The following TAFA1 variants were observed in gnomAD, a reference collection of about 807,000 sequenced individuals.
TAFA1 encodes TAFA chemokine like family member 1, also known as chemokine-like protein TAFA-1.
TAFA1 carries 4 observed loss-of-function variants against 18.5 expected under a neutral mutation model. The ratio of observed to expected loss-of-function variants is 0.22; its 90% CI spans 0.11 to 0.49. The LOEUF is 0.49. TAFA1 is among the 20% of genes least tolerant of loss of function. TAFA1 has a pLI of 0.98. For missense variants in TAFA1, 147 were observed against 169.0 expected (o/e 0.87, Z 0.72); for synonymous variants, 56 against 55.2 (o/e 1.01, Z -0.06).
At chr3:68,015,549 A>G (rs542932197) in intron 2 of TAFA1, among the ~76,000 whole-genome samples, 3 of 152,264 alleles carry the variant, frequency 2.0e-5, no homozygotes, top group Non-Finnish European at 2.9e-5. Flanking sequence ...AGGCCTCCCA[A>G]CGTGCTGGGA....
chr3:68,111,966 A>G (rs1263300432), intron 2 of TAFA1, among the ~76,000 whole-genome samples: 1 of 152,228 alleles, frequency 6.6e-6, no homozygotes, highest in Non-Finnish European at 1.5e-5. Flanking sequence ...AAGATACTCC[A>G]TAAAAACACT....
At chr3:68,269,474 T>TA (rs1156996250) in intron 2 of TAFA1, among the ~76,000 whole-genome samples, 3 of 152,070 alleles carry the variant, frequency 2.0e-5, no homozygotes, top group Admixed American at 2.0e-4. Flanking sequence ...TTCTAAAAAA[T>TA]AAAAAATACA....
chr3:68,322,011 A>T (rs1360432838), intron 2 of TAFA1, among the ~76,000 whole-genome samples: 1 of 152,210 alleles, frequency 6.6e-6, no homozygotes, highest in Non-Finnish European at 1.5e-5. Flanking sequence ...AGCTGCATGT[A>T]CACTAAAATT....
intron 2 of TAFA1, among the ~76,000 whole-genome samples, chr3:68,286,343 G>C (rs185336416): frequency 6.9e-4 from 105 of 152,274 alleles, no homozygotes; most frequent in Non-Finnish European, 1.3e-3. Flanking sequence ...GGCTATCCAA[G>C]AGAAAACTGT....
In TAFA1 at chr3:68,079,696, G is replaced by A. The variant is rs140150199; in HGVS notation, c.118+72952G>A. ...TGAGAGACAGTTTGTTATAACTTGT[G>A]TTCTTTTACATTTGCTGAGGAGAGC... On this transcript the variant is annotated intron_variant, in intron 2 of 4. Coordinates refer to ENST00000478136, the MANE Select transcript of TAFA1 (RefSeq NM_213609.4). 1.4e-4 allele frequency among the ~76,000 whole-genome samples: 22 copies of A among 152,276 alleles called. No individual in the cohort carries two copies. The East Asian group carries it at 4.3e-3, about 29-fold the overall frequency.
At chr3:68,505,814 CAAG>C (rs940686475) in intron 3 of TAFA1, among the ~76,000 whole-genome samples, 6 of 152,022 alleles carry the variant, frequency 3.9e-5, no homozygotes, top group African/African-American at 9.7e-5. Flanking sequence ...TTTAGTCTAC[CAAG>C]AAGGAGTCTT....
chr3:68,277,931 A>G (rs2067826168), intron 2 of TAFA1, among the ~76,000 whole-genome samples: 1 of 152,204 alleles, frequency 6.6e-6, no homozygotes, highest in Admixed American at 6.5e-5. Context: ...GCTATGAGCA[A>G]ATCACAATTA....
intron 3 of TAFA1, among the ~76,000 whole-genome samples, chr3:68,452,782 T>G (rs115811004): frequency 0.011 from 1,714 of 152,316 alleles, 34 homozygotes; most frequent in African/African-American, 0.039. Flanking sequence ...CATGCCCATT[T>G]AACATATTTA....
chr3:68,489,013 C>T (rs1218380329), intron 3 of TAFA1, among the ~76,000 whole-genome samples: 1 of 152,130 alleles, frequency 6.6e-6, no homozygotes, highest in African/African-American at 2.4e-5. Context: ...TCATTTAATC[C>T]TGACAACTTT....
chr3:68,472,673 A>G (rs1575899045), intron 3 of TAFA1, among the ~76,000 whole-genome samples: 1 of 152,304 alleles, frequency 6.6e-6, no homozygotes, highest in East Asian at 1.9e-4. Context: ...GATAAAGGGT[A>G]TATAGGAGTT....
intron 2 of TAFA1, among the ~76,000 whole-genome samples, chr3:68,375,625 C>A (rs1335566627): frequency 1.3e-5 from 2 of 152,128 alleles, no homozygotes; most frequent in Non-Finnish European, 2.9e-5. Context: ...TTTCTTTGTT[C>A]AATTCAATTC....
At chr3:68,031,276 A>T (rs1357611783) in intron 2 of TAFA1, among the ~76,000 whole-genome samples, 1 of 152,162 alleles carries the variant, frequency 6.6e-6, no homozygotes, top group Non-Finnish European at 1.5e-5. Flanking sequence ...TGAGAAATTG[A>T]TGTTGAATTC....
At chr3:68,542,059 T>G (rs1346894332) in intron 4 of TAFA1, among the ~76,000 whole-genome samples, 2 of 152,116 alleles carry the variant, frequency 1.3e-5, no homozygotes, top group Non-Finnish European at 2.9e-5. Flanking sequence ...CTGAGTGATA[T>G]TATTACCCCA....
At chr3:68,538,640 G>T in intron 3 of TAFA1, 116 bp from the exon 4 acceptor site, 1 of 954,550 alleles carries the variant, frequency 1.0e-6, no homozygotes, top group Non-Finnish European at 1.6e-6. Context: ...AGTCATGGAG[G>T]ATTAAAGAGA....
rs1704328202 is a variant in TAFA1 at position 68,004,718 on chromosome 3, A to G, written c.-4+16A>G. 6.6e-6 allele frequency: 1 copy of G among 152,118 alleles called. No homozygotes were observed. 9.4% of individuals were successfully genotyped at this position (152,118 alleles called of 1,614,324 possible). On this transcript the variant is annotated intron_variant, in intron 1 of 4. Coordinates refer to ENST00000478136, the MANE Select transcript of TAFA1 (RefSeq NM_213609.4). Reference sequence around the variant, plus strand: ...GATTTTTCAGGTAAGAAGCATCTTTAAGGGTTTAAGATTCAGAAAGCAGAT... The same window carrying G: ...GATTTTTCAGGTAAGAAGCATCTTTGAGGGTTTAAGATTCAGAAAGCAGAT...
intron 2 of TAFA1, among the ~76,000 whole-genome samples, chr3:68,262,672 C>G (rs929478611): frequency 6.6e-6 from 1 of 151,962 alleles, no homozygotes; most frequent in Non-Finnish European, 1.5e-5. Flanking sequence ...TTTCTTTATC[C>G]AATTCACCAC....
chr3:68,239,850 G>A (rs1182077901), intron 2 of TAFA1, among the ~76,000 whole-genome samples: 1 of 152,156 alleles, frequency 6.6e-6, no homozygotes, highest in African/African-American at 2.4e-5. Context: ...CACATTTATA[G>A]ATGAGAAGAC....
chr3:68,251,306 C>A (rs2067191414), intron 2 of TAFA1, among the ~76,000 whole-genome samples: 1 of 152,138 alleles, frequency 6.6e-6, no homozygotes, highest in Non-Finnish European at 1.5e-5. Context: ...CATTTCCTAT[C>A]CTTTTTAGCT....
At chr3:68,016,625 TAC>T (rs1704576275) in intron 2 of TAFA1, among the ~76,000 whole-genome samples, 1 of 152,188 alleles carries the variant, frequency 6.6e-6, no homozygotes, top group Admixed American at 6.5e-5. Context: ...TCTGTGTAAG[TAC>T]ACTCTGATGT....
Sources: gnomAD v4.1 joint callset for allele counts (sites outside exome capture counted in the v4.1 genomes callset) on GRCh38, gnomAD v4.1.1 for gene constraint, MANE v1.5 for transcripts, NCBI Gene and HGNC (gene_info 2026-07-23, HGNC 2026-07-21) for gene names.